Variants in AOX1 observed in about 807,000 individuals in gnomAD.
AOX1 encodes aldehyde oxidase.
Under a neutral mutation model 169.5 loss-of-function variants are expected in AOX1, and 153 were observed. The ratio of observed to expected loss-of-function variants is 0.90; its 90% CI spans 0.79 to 1.03. The LOEUF (loss-of-function observed/expected upper bound fraction) is 1.03, where lower values mean the gene tolerates loss of function less well. Ranked by LOEUF, AOX1 falls within the 50% of genes least tolerant of loss-of-function variation. AOX1 has a pLI of 0.00. For synonymous variants in AOX1, 562 were observed against 581.9 expected, an observed-to-expected ratio of 0.97 and a Z score of 0.49; for missense variants, 1,656 against 1,663.9, an observed-to-expected ratio of 1.00 and a Z score of 0.08.
intron 4 of AOX1, among the ~76,000 whole-genome samples, chr2:200,597,884 G>A (rs887404050): frequency 6.6e-6 from 1 of 152,132 alleles, no homozygotes; most frequent in African/African-American, 2.4e-5. Flanking sequence ...CAAGGCAGGT[G>A]GATTGCTTGA....
chr2:200,657,428 C>T (rs1263472342), intron 27 of AOX1, among the ~76,000 whole-genome samples: 1 of 151,804 alleles, frequency 6.6e-6, no homozygotes, highest in Non-Finnish European at 1.5e-5. Context: ...AAATGATTAG[C>T]AGAAACTGGG....
chr2:200,644,383 T>A (rs555206396), intron 25 of AOX1, among the ~76,000 whole-genome samples: 133 of 152,216 alleles, frequency 8.7e-4, no homozygotes, highest in Non-Finnish European at 1.4e-3. Flanking sequence ...GTATTTGGGT[T>A]CTCTATTCTG....
Position 200,669,587 on chromosome 2 carries a change from T to TCGGGGGTGTTC in AOX1, c.3813_3823dup (p.Leu1275ArgfsTer17). On this transcript the variant is annotated frameshift_variant, in exon 34 of 35. Coordinates refer to ENST00000374700, the MANE Select transcript of AOX1 (RefSeq NM_001159.4). LOFTEE classifies it high-confidence loss of function. ...GCTTCCTTTCAAGGGTCTGGGAGAG[T>TCGGGGGTGTTC]CGGGGGTGTTCCTGGGGTGTTCCGT... 4 of 1,613,198 alleles carry TCGGGGGTGTTC rather than the reference T, an allele frequency of 2.5e-6. No individual in the cohort carries two copies. Among genetic ancestry groups the TCGGGGGTGTTC allele is most frequent in the Non-Finnish European group, 3.4e-6 (4 of 1,179,866 alleles).
In AOX1 at chr2:200,586,117, G is replaced by T; in HGVS notation, c.9G>T (p.Arg3=). Residue 3 remains arginine (R), a synonymous_variant, in exon 1 of 35, where the codon CGG becomes CGT. Coordinates refer to ENST00000374700, the MANE Select transcript of AOX1 (RefSeq NM_001159.4). MD[R]ASELLFYVNG... ...CCAGCGCGGACACCACAATGGACCG[G>T]GCGTCCGAGCTGCTCTTCTACGTGA... 1 of 1,562,224 alleles carries T rather than the reference G, an allele frequency of 6.4e-7. No individual in the cohort carries two copies. The highest frequency in any genetic ancestry group is 8.7e-7 in the Non-Finnish European group (1 of 1,154,434).
At chr2:200,643,466 C>A (rs1225860131) in intron 25 of AOX1, among the ~76,000 whole-genome samples, 1 of 151,792 alleles carries the variant, frequency 6.6e-6, no homozygotes, top group Non-Finnish European at 1.5e-5. Flanking sequence ...GATTGGTGGG[C>A]ATTTGGGTTG....
At chr2:200,593,282 A>T in intron 2 of AOX1, 79 bp downstream of exon 2, 2 of 1,152,770 alleles carry the variant, frequency 1.7e-6, no homozygotes, top group Non-Finnish European at 2.6e-6. Context: ...TGATATTTCA[A>T]ATATACATTA....
chr2:200,622,746 A>T (rs2034912353), intron 18 of AOX1, among the ~76,000 whole-genome samples: 1 of 152,238 alleles, frequency 6.6e-6, no homozygotes, highest in Admixed American at 6.5e-5. Context: ...GAGCAAAATC[A>T]GGAGTCTTTG....
intron 27 of AOX1, among the ~76,000 whole-genome samples, chr2:200,657,730 A>G (rs748668559): frequency 5.3e-5 from 8 of 152,178 alleles, no homozygotes; most frequent in Non-Finnish European, 1.2e-4. Context: ...GTCTTATTTT[A>G]GATTAATTTT....
intron 22 of AOX1, 90 bp from the exon 23 acceptor site, chr2:200,638,125 C>A: frequency 8.9e-7 from 1 of 1,127,476 alleles, no homozygotes; most frequent in Non-Finnish European, 1.3e-6. Flanking sequence ...CGTGTAGGCT[C>A]CACTCAGGCT....
chr2:200,603,774 C>G (rs1386030549), intron 7 of AOX1, among the ~76,000 whole-genome samples: 2 of 152,182 alleles, frequency 1.3e-5, no homozygotes, highest in African/African-American at 2.4e-5. Context: ...CTACTGTCCC[C>G]AGACTCCAAA....
Position 200,620,198 on chromosome 2 carries a change from A to AGTTTTTT in AOX1, c.1705-452_1705-451insGTTTTTT, listed in dbSNP as rs370920216. On this transcript the variant is annotated intron_variant, in intron 16 of 34. Coordinates refer to ENST00000374700, the MANE Select transcript of AOX1 (RefSeq NM_001159.4). Reference sequence around the variant, plus strand: ...TATTGTCTTGGTGTTATTAATAGTGACTTTTTTTTTTTTTTTTTTTGATGG... The same window carrying AGTTTTTT: ...TATTGTCTTGGTGTTATTAATAGTGAGTTTTTTCTTTTTTTTTTTTTTTTTTTGATGG... Among the ~76,000 whole-genome samples, 7 of 120,912 alleles carry AGTTTTTT rather than the reference A, an allele frequency of 5.8e-5. 1 individual carries two copies. The highest frequency in any genetic ancestry group is 5.1e-5 in the Non-Finnish European group (3 of 59,374). The allele number at this position is 120,912 out of a possible 152,430, so 79.3% of individuals were successfully genotyped here. A position where few individuals can be genotyped will look rare whatever the true frequency, so the allele number is the denominator to read the frequency against.
chr2:200,593,273 G>C, intron 2 of AOX1, 70 bp downstream of exon 2: 1 of 1,248,376 alleles, frequency 8.0e-7, no homozygotes, highest in Non-Finnish European at 1.2e-6. Context: ...CTCATTAAAT[G>C]ATATTTCAAA....
chr2:200,621,993 C>A (rs2105723996), intron 18 of AOX1, among the ~76,000 whole-genome samples: 1 of 152,324 alleles, frequency 6.6e-6, no homozygotes, highest in Non-Finnish European at 1.5e-5. Flanking sequence ...CTCAGGTGAT[C>A]TGCCCGCCTG....
At chr2:200,662,811 A>C in intron 30 of AOX1, 44 bp from the exon 31 acceptor site, 1 of 1,510,426 alleles carries the variant, frequency 6.6e-7, no homozygotes, top group Non-Finnish European at 9.2e-7. Flanking sequence ...ATGGTCTGCA[A>C]TTAGGGGACG....
At chr2:200,630,494 G>T (rs2035094904) in intron 20 of AOX1, among the ~76,000 whole-genome samples, 1 of 149,854 alleles carries the variant, frequency 6.7e-6, no homozygotes, top group Non-Finnish European at 1.5e-5. Flanking sequence ...CTGTACTCCA[G>T]CCTGAGCAAC....
intron 20 of AOX1, among the ~76,000 whole-genome samples, chr2:200,632,712 C>G (rs1445193146): frequency 6.6e-6 from 1 of 151,910 alleles, no homozygotes; most frequent in African/African-American, 2.4e-5. Context: ...AAAACAAACT[C>G]TTAGTTTTCC....
chr2:200,634,464 G>A (rs975769741), intron 20 of AOX1, among the ~76,000 whole-genome samples: 4 of 152,064 alleles, frequency 2.6e-5, no homozygotes, highest in Non-Finnish European at 4.4e-5. Context: ...GGAAGCCTCC[G>A]CATTCTCACA....
intron 15 of AOX1, among the ~76,000 whole-genome samples, chr2:200,614,601 C>T (rs948046392): frequency 1.4e-4 from 22 of 152,164 alleles, no homozygotes; most frequent in Admixed American, 9.8e-4. Flanking sequence ...CTGAATAAAT[C>T]CATTAGACCC....
chr2:200,676,715 C>A (rs1020251797), intron 4 of AOX1, among the ~76,000 whole-genome samples: 1 of 151,848 alleles, frequency 6.6e-6, no homozygotes, highest in African/African-American at 2.4e-5. Flanking sequence ...CATGAAAGTT[C>A]CAGGTTGGCT....
Sources: gnomAD v4.1 joint callset for allele counts (sites outside exome capture counted in the v4.1 genomes callset) on GRCh38, gnomAD v4.1.1 for gene constraint, MANE v1.5 for transcripts, NCBI Gene and HGNC (gene_info 2026-07-23, HGNC 2026-07-21) for gene names.